The following VTI1A variants were observed in gnomAD, a reference collection of about 807,000 sequenced individuals.
The protein encoded by VTI1A is vesicle transport through interaction with t-SNAREs homolog 1A.
In VTI1A, 22 loss-of-function variants were observed where a neutral mutation model predicts 34.9. The observed-to-expected ratio is 0.63, with a 90% CI of 0.45 to 0.90. The LOEUF is 0.90. Ranked by LOEUF, VTI1A falls within the 40% of genes least tolerant of loss-of-function variation. The probability of loss-of-function intolerance (pLI) is 0.00; values close to 1 mark genes in which losing one functional copy is unlikely to be tolerated. For missense variants in VTI1A, 268 were observed against 275.6 expected (o/e 0.97, Z 0.20); for synonymous variants, 87 against 97.3 (o/e 0.89, Z 0.62).
At chr10:112,561,597 T>C (rs1851727458) in intron 5 of VTI1A, among the ~76,000 whole-genome samples, 1 of 152,186 alleles carries the variant, frequency 6.6e-6, no homozygotes. Flanking sequence ...TTCATAACAA[T>C]GATTTCTGAA....
intron 7 of VTI1A, chr10:112,736,785 G>A (rs771097447): frequency 2.0e-6 from 3 of 1,508,424 alleles, no homozygotes; most frequent in Non-Finnish European, 1.8e-6. Flanking sequence ...ACCAGAACCA[G>A]CCAGTGGAAA....
At chr10:112,582,094 C>T (rs1843968819) in intron 5 of VTI1A, among the ~76,000 whole-genome samples, 1 of 152,072 alleles carries the variant, frequency 6.6e-6, no homozygotes. Context: ...TTCTCCAGTT[C>T]TAGAGGCTGG....
intron 7 of VTI1A, among the ~76,000 whole-genome samples, chr10:112,791,549 A>T (rs531299297): frequency 6.6e-6 from 1 of 152,290 alleles, no homozygotes; most frequent in Non-Finnish European, 1.5e-5. Context: ...TCTCTAAACA[A>T]GGTATTTTTC....
At chr10:112,776,867 G>A (rs766074194) in intron 7 of VTI1A, among the ~76,000 whole-genome samples, 2 of 151,658 alleles carry the variant, frequency 1.3e-5, no homozygotes, top group Non-Finnish European at 2.9e-5. Context: ...TAGTATAGAC[G>A]GGGTTTCACC....
the VTI1A span, among the ~76,000 whole-genome samples, chr10:112,834,907 G>A: frequency 6.6e-6 from 1 of 152,192 alleles, no homozygotes; most frequent in Non-Finnish European, 1.5e-5. Flanking sequence ...ACAGGCCACA[G>A]GGAAGCAAAC....
chr10:112,809,580 T>C (rs1352298084), intron 7 of VTI1A, among the ~76,000 whole-genome samples: 3 of 152,144 alleles, frequency 2.0e-5, no homozygotes, highest in Non-Finnish European at 4.4e-5. Context: ...TGTAAAAAAG[T>C]TGGGACTCCG....
intron 5 of VTI1A, among the ~76,000 whole-genome samples, chr10:112,570,594 A>C (rs1852082786): frequency 6.6e-6 from 1 of 152,382 alleles, no homozygotes; most frequent in South Asian, 2.1e-4. Flanking sequence ...GAAGGAAAAT[A>C]TAATATTTAA....
the VTI1A span, among the ~76,000 whole-genome samples, chr10:112,833,611 G>A: frequency 1.2e-4 from 18 of 152,042 alleles, no homozygotes; most frequent in African/African-American, 2.7e-4. Flanking sequence ...TCCATGTTAC[G>A]ATGCAAATAC....
intron 7 of VTI1A, among the ~76,000 whole-genome samples, chr10:112,669,620 A>G (rs1847775387): frequency 6.6e-6 from 1 of 152,202 alleles, no homozygotes; most frequent in Non-Finnish European, 1.5e-5. Context: ...AAGTACATTC[A>G]GCACGAAATT....
chr10:112,798,512 G>T (rs1852755029), intron 7 of VTI1A, among the ~76,000 whole-genome samples: 1 of 152,104 alleles, frequency 6.6e-6, no homozygotes, highest in Non-Finnish European at 1.5e-5. Flanking sequence ...CAAGACACAG[G>T]CTGCCTTTTG....
chr10:112,547,854 G>C (rs539314375), intron 5 of VTI1A, among the ~76,000 whole-genome samples: 63 of 152,048 alleles, frequency 4.1e-4, no homozygotes, highest in African/African-American at 6.0e-4. Context: ...TTGTTTGTTT[G>C]TTTCTTTCTT....
chr10:112,658,080 A>G (rs1847300871), intron 5 of VTI1A, among the ~76,000 whole-genome samples: 1 of 151,728 alleles, frequency 6.6e-6, no homozygotes, highest in Admixed American at 6.6e-5. Flanking sequence ...CATTTGTTCT[A>G]TTACTTTATT....
At chr10:112,839,592 G>T in the VTI1A span, among the ~76,000 whole-genome samples, 1 of 152,156 alleles carries the variant, frequency 6.6e-6, no homozygotes, top group Non-Finnish European at 1.5e-5. Flanking sequence ...AGAGACAAGG[G>T]TGGGCTCTTG....
At chr10:112,708,982 G>A (rs1457555690) in intron 7 of VTI1A, among the ~76,000 whole-genome samples, 1 of 152,200 alleles carries the variant, frequency 6.6e-6, no homozygotes, top group Non-Finnish European at 1.5e-5. Flanking sequence ...GCGGTTGCTG[G>A]TAGTTTCTGA....
chr10:112,726,408 C>T (rs1341037809), intron 7 of VTI1A, among the ~76,000 whole-genome samples: 2 of 152,050 alleles, frequency 1.3e-5, no homozygotes, highest in Non-Finnish European at 2.9e-5. Context: ...CTGTCCAAGC[C>T]GTCAGTAGAC....
At chr10:112,704,388 T>C (rs1268770254) in intron 7 of VTI1A, among the ~76,000 whole-genome samples, 3 of 152,190 alleles carry the variant, frequency 2.0e-5, no homozygotes, top group African/African-American at 7.2e-5. Flanking sequence ...TATATATATA[T>C]GACCCCACAG....
At chr10:112,584,432 C>T (rs1204782737) in intron 5 of VTI1A, among the ~76,000 whole-genome samples, 2 of 152,192 alleles carry the variant, frequency 1.3e-5, no homozygotes, top group Non-Finnish European at 2.9e-5. Flanking sequence ...AAGGATCAAG[C>T]ATGCCAAGAT....
intron 3 of VTI1A, among the ~76,000 whole-genome samples, chr10:112,474,972 C>T (rs1198083738): frequency 6.6e-6 from 1 of 152,186 alleles, no homozygotes. Flanking sequence ...TCTATCCTCA[C>T]CTGTTGTCAG....
chr10:112,740,767 A>G (rs1850667457), intron 7 of VTI1A, among the ~76,000 whole-genome samples: 2 of 152,226 alleles, frequency 1.3e-5, no homozygotes, highest in Admixed American at 1.3e-4. Context: ...TTTGGCAATC[A>G]CTTAAAATGG....
Sources: gnomAD v4.1 joint callset for allele counts (sites outside exome capture counted in the v4.1 genomes callset) on GRCh38, gnomAD v4.1.1 for gene constraint, MANE v1.5 for transcripts, NCBI Gene and HGNC (gene_info 2026-07-23, HGNC 2026-07-21) for gene names.